The following LIMCH1 variants were observed in gnomAD, a reference collection of about 807,000 sequenced individuals.
The protein encoded by LIMCH1 is LIM and calponin homology domains-containing protein 1.
Under a neutral mutation model 176.5 loss-of-function variants are expected in LIMCH1, and 113 were observed. The observed-to-expected ratio is 0.64, with a 90% CI of 0.55 to 0.75. LIMCH1 has a LOEUF of 0.75. Among genes scored for constraint, LIMCH1 ranks in the 30% least tolerant of loss-of-function variants. The probability of loss-of-function intolerance (pLI) is 0.00; values close to 1 mark genes in which losing one functional copy is unlikely to be tolerated. For missense variants in LIMCH1, 1,674 were observed against 1,814.9 expected (o/e 0.92, Z 1.41); for synonymous variants, 619 against 645.9 (o/e 0.96, Z 0.63).
chr4:41,686,464 G>T (rs954296659), intron 28 of LIMCH1, among the ~76,000 whole-genome samples: 2 of 152,132 alleles, frequency 1.3e-5, no homozygotes, highest in African/African-American at 4.8e-5. Flanking sequence ...AAGTAGTAGA[G>T]GAATTCAAAA....
Position 41,680,974 on chromosome 4 carries a change from A to G in LIMCH1, c.3632A>G (p.Asp1211Gly), listed in dbSNP as rs142958510. 1 of 1,604,348 alleles carries G rather than the reference A, an allele frequency of 6.2e-7. No homozygotes were observed. The highest frequency in any genetic ancestry group is 8.5e-7 in the Non-Finnish European group (1 of 1,171,492). The change falls in exon 25 of 32, where the codon GAC (aspartate) becomes GGC (glycine). Residue 1211 changes from aspartate to glycine, a missense_variant. By Grantham distance (94) the Asp-to-Gly change is moderately conservative. Around this residue, in one of 3 missense-constraint regions of LIMCH1, gnomAD observed 1,015 missense variants for 1,102.5 expected, o/e 0.92. Coordinates refer to ENST00000503057, the MANE Select transcript of LIMCH1 (RefSeq NM_001330672.2). ...YYEEERKIIEDTVVPFTVSSS... is the reference protein window; with the variant it reads ...YYEEERKIIEGTVVPFTVSSS... ...CCTTAGGAGCGTAAGATAATTGAAG[A>G]CACTGTGGTTCCATTTACTGTTTCT... is the stretch of plus-strand genomic sequence containing the variant.
At chr4:41,382,104 A>G (rs2055767700) in intron 1 of LIMCH1, among the ~76,000 whole-genome samples, 2 of 152,226 alleles carry the variant, frequency 1.3e-5, no homozygotes, top group Admixed American at 1.3e-4. Context: ...CAGATACATG[A>G]GCAGTAAATG....
chr4:41,492,456 G>A (rs1055349553), intron 1 of LIMCH1, among the ~76,000 whole-genome samples: 1 of 151,194 alleles, frequency 6.6e-6, no homozygotes, highest in Non-Finnish European at 1.5e-5. Context: ...GGGGGAGGGG[G>A]AGGGGGACTT....
At chr4:41,594,903 A>G (rs1208014046) in intron 1 of LIMCH1, among the ~76,000 whole-genome samples, 1 of 152,074 alleles carries the variant, frequency 6.6e-6, no homozygotes, top group Non-Finnish European at 1.5e-5. Context: ...CTTGTCTTTT[A>G]TTGTGGTGCC....
At chr4:41,393,210 T>A (rs1335200260) in intron 1 of LIMCH1, among the ~76,000 whole-genome samples, 1 of 152,216 alleles carries the variant, frequency 6.6e-6, no homozygotes, top group African/African-American at 2.4e-5. Flanking sequence ...GACTTACTCC[T>A]TGTTGGCTGC....
chr4:41,507,742 A>C (rs1003415510), intron 2 of LIMCH1, among the ~76,000 whole-genome samples: 1 of 152,152 alleles, frequency 6.6e-6, no homozygotes, highest in African/African-American at 2.4e-5. Flanking sequence ...TAGGTGCCTG[A>C]AAGGGCAAGG....
chr4:41,640,045 A>G (rs1271876226), intron 14 of LIMCH1, among the ~76,000 whole-genome samples: 1 of 152,204 alleles, frequency 6.6e-6, no homozygotes, highest in African/African-American at 2.4e-5. Context: ...TGTGTTCAAG[A>G]TGTCTGCTTA....
intron 1 of LIMCH1, among the ~76,000 whole-genome samples, chr4:41,590,654 C>A (rs1397243096): frequency 6.6e-6 from 1 of 152,158 alleles, no homozygotes; most frequent in Non-Finnish European, 1.5e-5. Flanking sequence ...ATTTCCCATC[C>A]ATAAAATGTT....
chr4:41,546,140 GT>G (rs200786720), intron 1 of LIMCH1, among the ~76,000 whole-genome samples: 1 of 151,550 alleles, frequency 6.6e-6, no homozygotes, highest in Admixed American at 6.6e-5. Flanking sequence ...TCATTGGTCT[GT>G]TTTTTTTGTT....
intron 1 of LIMCH1, among the ~76,000 whole-genome samples, chr4:41,361,819 G>A (rs879517869): frequency 8.6e-5 from 13 of 150,586 alleles, no homozygotes; most frequent in Non-Finnish European, 1.6e-4. Flanking sequence ...GGCATGAAGG[G>A]GAAAGGTGAC....
rs573030965 is a variant in LIMCH1, at chr4:41,511,585, A to G, written c.168-12824A>G. 1.4e-4 allele frequency among the ~76,000 whole-genome samples: 22 copies of G among 152,360 alleles called. No homozygotes were observed. The South Asian group carries it at 2.7e-3, about 19-fold the overall frequency. ...TTCTATTAGATGATAAATTCCTTGA[A>G]GTACTGACAGCGACTCACCCATCTT... On this transcript the variant is annotated intron_variant, in intron 2 of 26. Transcript: ENST00000313860.
intron 1 of LIMCH1, among the ~76,000 whole-genome samples, chr4:41,485,625 G>A (rs140933478): frequency 1.2e-3 from 179 of 152,242 alleles, no homozygotes; most frequent in Middle Eastern, 3.4e-3. Context: ...GTTTTTGTCC[G>A]TGCATGCCCA....
intron 2 of LIMCH1, chr4:41,524,340 G>A (rs191554441): frequency 1.4e-5 from 17 of 1,181,612 alleles, no homozygotes; most frequent in Middle Eastern, 3.8e-4. Flanking sequence ...CTGTAGCCCC[G>A]GATAAAGGTG....
At chr4:41,678,402 C>A (rs1211682482) in intron 23 of LIMCH1, among the ~76,000 whole-genome samples, 1 of 152,014 alleles carries the variant, frequency 6.6e-6, no homozygotes, top group Admixed American at 6.6e-5. Flanking sequence ...TTAGTAGGAA[C>A]CCGATTCATC....
At chr4:41,404,042 A>T (rs887786500) in intron 1 of LIMCH1, among the ~76,000 whole-genome samples, 1 of 152,238 alleles carries the variant, frequency 6.6e-6, no homozygotes, top group Non-Finnish European at 1.5e-5. Context: ...TATATGCATA[A>T]TAGTGCATGC....
intron 1 of LIMCH1, among the ~76,000 whole-genome samples, chr4:41,581,425 G>A (rs1472745020): frequency 6.6e-6 from 1 of 152,040 alleles, no homozygotes; most frequent in Non-Finnish European, 1.5e-5. Flanking sequence ...TACTGATTAT[G>A]CCCTTTTGAC....
intron 1 of LIMCH1, among the ~76,000 whole-genome samples, chr4:41,375,621 C>G (rs74694693): frequency 0.015 from 2,352 of 152,248 alleles, 52 homozygotes; most frequent in African/African-American, 0.054. Flanking sequence ...AATAGCAAAA[C>G]CATGCAGTTG....
chr4:41,582,934 AT>A (rs1487541691), intron 1 of LIMCH1, among the ~76,000 whole-genome samples: 2 of 152,086 alleles, frequency 1.3e-5, no homozygotes, highest in African/African-American at 4.8e-5. Context: ...ACTGAACTTT[AT>A]TTTATTGTGG....
chr4:41,397,535 A>G (rs1281095708), intron 1 of LIMCH1, among the ~76,000 whole-genome samples: 1 of 152,108 alleles, frequency 6.6e-6, no homozygotes, highest in East Asian at 1.9e-4. Context: ...AGCAGATTAG[A>G]GTGGGAATGT....
Sources: allele counts gnomAD v4.1 joint callset (sites outside exome capture counted in the v4.1 genomes callset), GRCh38; gene constraint gnomAD v4.1.1; regional missense constraint gnomAD v4.1.1; transcripts MANE v1.5; gene names NCBI Gene and HGNC (gene_info 2026-07-23, HGNC 2026-07-21).